MRTFA: variants seen among roughly 807,000 people sequenced by gnomAD.
The protein encoded by MRTFA is myocardin-related transcription factor A.
MRTFA carries 20 observed loss-of-function variants against 83.5 expected under a neutral mutation model. The observed-to-expected ratio is 0.24, with a 90% confidence interval of 0.17 to 0.35. The LOEUF is 0.35. Among genes scored for constraint, MRTFA ranks in the 10% least tolerant of loss-of-function variants. The pLI is 1.00. For missense variants in MRTFA, 1,200 were observed against 1,224.7 expected (o/e 0.98, Z 0.30); for synonymous variants, 659 against 541.2 (o/e 1.22, Z -3.02).
chr22:40,415,046 C>A (rs2052649808), intron 14 of MRTFA: 1 of 152,380 alleles, frequency 6.6e-6, no homozygotes, highest in African/African-American at 2.4e-5. Flanking sequence ...TCCTCAAACA[C>A]CTGCTTCTGG....
chr22:40,626,700 T>C (rs1409756053), intron 1 of MRTFA, among the ~76,000 whole-genome samples: 1 of 152,100 alleles, frequency 6.6e-6, no homozygotes, highest in Non-Finnish European at 1.5e-5. Context: ...TATAACTAAA[T>C]ACGAAACACA....
intron 2 of MRTFA, chr22:40,569,855 C>T (rs1413225005): frequency 1.3e-5 from 2 of 153,382 alleles, no homozygotes; most frequent in Non-Finnish European, 2.9e-5. Flanking sequence ...TGGGCCTCAG[C>T]CTGGGATGAC....
At chr22:40,470,446 T>C (rs376970937) in intron 3 of MRTFA, among the ~76,000 whole-genome samples, 2 of 150,560 alleles carry the variant, frequency 1.3e-5, no homozygotes, top group East Asian at 3.9e-4. Context: ...GCTGAAACAG[T>C]GCTTAGAGGG....
At chr22:40,484,612 T>C (rs980723387) in intron 3 of MRTFA, among the ~76,000 whole-genome samples, 1 of 152,224 alleles carries the variant, frequency 6.6e-6, no homozygotes, top group Non-Finnish European at 1.5e-5. Context: ...ACTGCAGGTT[T>C]TGCACAAAAT....
Position 40,568,770 on chromosome 22 carries a change from A to G in MRTFA, c.-21-16403T>C, listed in dbSNP as rs372235250. 4.6e-5 allele frequency among the ~76,000 whole-genome samples: 7 copies of G among 152,254 alleles called. No homozygotes were observed. The South Asian group carries it at 1.0e-3, about 22-fold the overall frequency. On this transcript the variant is annotated intron_variant, in intron 2 of 14. Coordinates refer to ENST00000355630, the MANE Select transcript of MRTFA (RefSeq NM_020831.6). ...TCTAAGTGCAATTACTGTAAATTAT[A>G]AAGTGCTAAGACACACAGCAGCACT...
chr22:40,471,124 G>A (rs529142788), intron 3 of MRTFA, among the ~76,000 whole-genome samples: 17 of 148,498 alleles, frequency 1.1e-4, no homozygotes, highest in Non-Finnish European at 2.5e-4. Context: ...GCTCACACCT[G>A]TGATCCCAGC....
chr22:40,500,734 C>T (rs1020231849), intron 3 of MRTFA, among the ~76,000 whole-genome samples: 1 of 149,634 alleles, frequency 6.7e-6, no homozygotes, highest in African/African-American at 2.5e-5. Flanking sequence ...CAACAGGATC[C>T]CAAGGCAGAG....
intron 3 of MRTFA, among the ~76,000 whole-genome samples, chr22:40,530,899 C>T (rs1419029132): frequency 6.6e-6 from 1 of 152,188 alleles, no homozygotes; most frequent in Non-Finnish European, 1.5e-5. Flanking sequence ...GATTTAAAAG[C>T]TTATACTTAT....
At chr22:40,590,208 AC>A (rs1214700658) in intron 2 of MRTFA, among the ~76,000 whole-genome samples, 1 of 152,170 alleles carries the variant, frequency 6.6e-6, no homozygotes, top group African/African-American at 2.4e-5. Context: ...GCACTTCTGT[AC>A]AAGAGATATC....
chr22:40,570,712 A>C (rs1307115682), intron 2 of MRTFA, among the ~76,000 whole-genome samples: 1 of 151,768 alleles, frequency 6.6e-6, no homozygotes, highest in Non-Finnish European at 1.5e-5. Flanking sequence ...GGAAGAGGCC[A>C]CATGTTGAGA....
intron 3 of MRTFA, among the ~76,000 whole-genome samples, chr22:40,528,264 G>C (rs374690261): frequency 6.6e-6 from 1 of 152,138 alleles, no homozygotes; most frequent in Non-Finnish European, 1.5e-5. Context: ...TCTGAGTAGT[G>C]ACAGAATCCT....
intron 14 of MRTFA, among the ~76,000 whole-genome samples, chr22:40,414,673 C>A (rs2052638211): frequency 6.6e-6 from 1 of 152,112 alleles, no homozygotes; most frequent in Non-Finnish European, 1.5e-5. Flanking sequence ...ACAGGCAAAT[C>A]CATAGAGAAA....
chr22:40,563,156 C>T (rs958094217), intron 2 of MRTFA, among the ~76,000 whole-genome samples: 8 of 152,280 alleles, frequency 5.3e-5, no homozygotes, highest in African/African-American at 1.7e-4. Context: ...TATTCACACT[C>T]TAATCACTGG....
intron 3 of MRTFA, among the ~76,000 whole-genome samples, chr22:40,475,225 A>G (rs1027974480): frequency 1.3e-5 from 2 of 152,152 alleles, no homozygotes; most frequent in Non-Finnish European, 2.9e-5. Flanking sequence ...TGTATCTCTA[A>G]TAACTGGCCC....
chr22:40,614,340 G>C (rs1215693885), intron 1 of MRTFA, among the ~76,000 whole-genome samples: 3 of 151,672 alleles, frequency 2.0e-5, no homozygotes, highest in African/African-American at 7.3e-5. Flanking sequence ...GAGCCACAGA[G>C]GTCAAGGTTG....
chr22:40,495,465 G>A (rs1171065563), intron 3 of MRTFA, among the ~76,000 whole-genome samples: 2 of 136,230 alleles, frequency 1.5e-5, no homozygotes, highest in African/African-American at 5.6e-5. Flanking sequence ...AAAAAAAAAA[G>A]TACACTGTCT....
At chr22:40,587,686 G>T in intron 2 of MRTFA, 1 of 325,442 alleles carries the variant, frequency 3.1e-6, no homozygotes, top group Non-Finnish European at 6.1e-6. Context: ...GCCAGGTTTT[G>T]GTTGGTGCAA....
intron 3 of MRTFA, among the ~76,000 whole-genome samples, chr22:40,518,377 G>A (rs1380504533): frequency 6.6e-6 from 1 of 151,076 alleles, no homozygotes; most frequent in Non-Finnish European, 1.5e-5. Flanking sequence ...TTAAATTGTA[G>A]AATATCCAGT....
intron 3 of MRTFA, among the ~76,000 whole-genome samples, chr22:40,544,598 T>C (rs2055335770): frequency 6.6e-6 from 1 of 152,214 alleles, no homozygotes; most frequent in Non-Finnish European, 1.5e-5. Flanking sequence ...TGGGAGAAGA[T>C]GTCTGCAATA....
Sources: gnomAD v4.1 joint callset for allele counts (sites outside exome capture counted in the v4.1 genomes callset) on GRCh38, gnomAD v4.1.1 for gene constraint, MANE v1.5 for transcripts, NCBI Gene and HGNC (gene_info 2026-07-23, HGNC 2026-07-21) for gene names.